The following DMD variants were observed in gnomAD, a reference collection of about 807,000 sequenced individuals.
The protein encoded by DMD is dystrophin.
In DMD, 63 loss-of-function variants were observed where a neutral mutation model predicts 330.1. That is an observed-to-expected ratio of 0.19 (90% CI 0.16 to 0.24). The LOEUF (loss-of-function observed/expected upper bound fraction) is 0.24, where lower values mean the gene tolerates loss of function less well. Among genes scored for constraint, DMD ranks in the 10% least tolerant of loss-of-function variants. The pLI is 1.00. For missense variants in DMD, 3,344 were observed against 2,684.1 expected (o/e 1.25, Z -5.43); for synonymous variants, 1,223 against 959.8 (o/e 1.27, Z -5.07).
Position 31,667,263 on chromosome X carries a change from TTTC to T in DMD, c.7873-9122_7873-9120del, listed in dbSNP as rs1282633764. Reference sequence around the variant, plus strand: ...TGTTACAGTGCATATCAGTATTTCATTTCTTTTTATTGCTAAATAATATTCCAT... The same window carrying T: ...TGTTACAGTGCATATCAGTATTTCATTTTTTATTGCTAAATAATATTCCAT... On this transcript the variant is annotated intron_variant, in intron 53 of 78. Transcript: ENST00000357033. 2.7e-5 allele frequency among the ~76,000 whole-genome samples: 3 copies of T among 112,149 alleles called. No homozygotes were observed. In the Admixed American group the frequency reaches 2.8e-4, roughly 11 times the overall value.
At chrX:32,477,288 T>G (rs1399304029) in intron 21 of DMD, among the ~76,000 whole-genome samples, 1 of 107,559 alleles carries the variant, frequency 9.3e-6, no homozygotes, top group Non-Finnish European at 1.9e-5. Context: ...CACTACTGTT[T>G]ATCTTGAAAA....
At chrX:31,921,589 G>A (rs2094690700) in intron 47 of DMD, among the ~76,000 whole-genome samples, 1 of 112,214 alleles carries the variant, frequency 8.9e-6, no homozygotes, top group Non-Finnish European at 1.9e-5. Context: ...AGATGATTTT[G>A]TGCTTGCTCT....
chrX:32,338,908 T>C (rs180688818), intron 41 of DMD, among the ~76,000 whole-genome samples: 41 of 112,164 alleles, frequency 3.7e-4, no homozygotes, highest in Non-Finnish European at 7.1e-4. Flanking sequence ...TTATATATTA[T>C]AGAATTAAAT....
At chrX:31,749,140 T>TATC (rs1258007238) in intron 51 of DMD, among the ~76,000 whole-genome samples, 2 of 60,600 alleles carry the variant, frequency 3.3e-5, no homozygotes, top group Non-Finnish European at 6.4e-5. Context: ...TTTGAGATTT[T>TATC]ATTATTATTA....
chrX:32,355,143 T>C (rs1314555292), intron 37 of DMD, among the ~76,000 whole-genome samples: 2 of 111,750 alleles, frequency 1.8e-5, no homozygotes, highest in Non-Finnish European at 3.8e-5. Flanking sequence ...TCATTTTTAA[T>C]ACAAAAAGTA....
Position 32,392,877 on chromosome X carries a change from C to A in DMD, c.4234-2696G>T, listed in dbSNP as rs1398527933. ...CATGGATAAGTGCTTCAGCAACAAT[C>A]ACAACAAGGCTTTCAGCCAACAACT... On this transcript the variant is annotated intron_variant, in intron 30 of 78. Coordinates refer to ENST00000357033, the MANE Select transcript of DMD (RefSeq NM_004006.3). Among the ~76,000 whole-genome samples the A allele has an allele frequency of 2.7e-5, 3 of 112,672 alleles. No individual in the cohort carries two copies. The East Asian group carries it at 8.4e-4, about 32-fold the overall frequency.
chrX:33,260,807 G>T (rs945784544), intron 1 of DMD, among the ~76,000 whole-genome samples: 37 of 111,143 alleles, frequency 3.3e-4, no homozygotes, highest in African/African-American at 1.2e-3. Context: ...TCGATGATAG[G>T]TTGTAAGGTA....
chrX:33,013,819 A>ATGTGTG (rs141894778), intron 2 of DMD, among the ~76,000 whole-genome samples: 8 of 109,160 alleles, frequency 7.3e-5, no homozygotes, highest in African/African-American at 2.7e-4. Context: ...GTGTATATGT[A>ATGTGTG]TGTGTGTGTG....
intron 60 of DMD, among the ~76,000 whole-genome samples, chrX:31,368,672 G>A (rs1399788267): frequency 1.5e-4 from 16 of 109,207 alleles, no homozygotes; most frequent in Non-Finnish European, 1.9e-5. Flanking sequence ...TTGAGACAGA[G>A]TCTTGCTCTG....
chrX:31,652,040 G>A (rs961693547), intron 54 of DMD, among the ~76,000 whole-genome samples: 1 of 111,737 alleles, frequency 8.9e-6, no homozygotes, highest in African/African-American at 3.3e-5. Flanking sequence ...CTACCTTCCT[G>A]CTCGCTTGAT....
chrX:31,818,566 C>G (rs773276492), intron 50 of DMD, among the ~76,000 whole-genome samples: 1 of 110,797 alleles, frequency 9.0e-6, no homozygotes, highest in South Asian at 3.9e-4. Context: ...CATGGAGTTA[C>G]AGAGTCTGAG....
chrX:31,919,299 T>A (rs2094655073), intron 47 of DMD, among the ~76,000 whole-genome samples: 1 of 112,562 alleles, frequency 8.9e-6, no homozygotes, highest in African/African-American at 3.2e-5. Flanking sequence ...AGAATGTTCA[T>A]TCTTTTATAA....
At chrX:31,409,144 T>C (rs1426452581) in intron 60 of DMD, among the ~76,000 whole-genome samples, 4 of 111,593 alleles carry the variant, frequency 3.6e-5, no homozygotes, top group African/African-American at 1.3e-4. Flanking sequence ...CATAGTATTC[T>C]CTGGTGTATA....
chrX:31,489,228 C>T (rs1029521196), intron 57 of DMD, among the ~76,000 whole-genome samples: 4 of 112,186 alleles, frequency 3.6e-5, no homozygotes, highest in African/African-American at 1.3e-4. Flanking sequence ...TCAACCTCCG[C>T]CTCCCAAGTT....
chrX:32,401,113 T>G (rs1294541810), intron 30 of DMD, among the ~76,000 whole-genome samples: 4 of 97,809 alleles, frequency 4.1e-5, no homozygotes, highest in Non-Finnish European at 6.0e-5. Context: ...TTCTCACTCA[T>G]AGGTGGGAAT....
intron 2 of DMD, among the ~76,000 whole-genome samples, chrX:32,966,305 C>A (rs1179066312): frequency 1.8e-5 from 2 of 111,338 alleles, no homozygotes; most frequent in Non-Finnish European, 3.8e-5. Context: ...AGTGTTCTCA[C>A]GTAAAAATCA....
rs770351069 is a variant in DMD at position 33,331,164 on chromosome X, A to AC, written c.7+8094dup. ...GGTGGGCTCTAATCCTGTCTGGATG[A>AC]CCTAATGGAGAAATAGACTCTGTTT... is the stretch of plus-strand genomic sequence containing the variant. On this transcript the variant is annotated intron_variant, in intron 1 of 17. Coordinates refer to the DMD transcript ENST00000288447. 3.8e-4 allele frequency among the ~76,000 whole-genome samples: 43 copies of AC among 111,713 alleles called. No homozygotes were observed. In the East Asian group the frequency reaches 0.01, roughly 27 times the overall value.
chrX:32,807,142 A>AT lies in DMD; in HGVS notation c.649+2350_649+2351insA, dbSNP rs1234244772. 2.9e-5 allele frequency among the ~76,000 whole-genome samples: 3 copies of AT among 104,353 alleles called. No individual in the cohort carries two copies. In the Admixed American group the frequency reaches 3.1e-4, roughly 11 times the overall value. 90.6% of individuals were successfully genotyped at this position (104,353 alleles called of 115,157 possible). A position where few individuals can be genotyped will look rare whatever the true frequency, so the allele number is the denominator to read the frequency against. ...ACATTTAAAAAAAAAAAAAAAAAAAAAAAAAAACATCAACAAATCCAGGAG... is the reference window on the plus strand; with the variant it reads ...ACATTTAAAAAAAAAAAAAAAAAAAATAAAAAAACATCAACAAATCCAGGAG... On this transcript the variant is annotated intron_variant, in intron 7 of 78. Coordinates refer to ENST00000357033, the MANE Select transcript of DMD (RefSeq NM_004006.3).
At chrX:32,488,655 C>T (rs918981908) in intron 20 of DMD, among the ~76,000 whole-genome samples, 4 of 111,305 alleles carry the variant, frequency 3.6e-5, no homozygotes, top group African/African-American at 6.5e-5. Flanking sequence ...GAGGTGACAA[C>T]GGAATTTGGA....
Sources: gnomAD v4.1 joint callset for allele counts (sites outside exome capture counted in the v4.1 genomes callset) on GRCh38, gnomAD v4.1.1 for gene constraint, MANE v1.5 for transcripts, NCBI Gene and HGNC (gene_info 2026-07-23, HGNC 2026-07-21) for gene names.